The following OXSR1 variants were observed in gnomAD, a reference collection of about 807,000 sequenced individuals.
OXSR1 encodes oxidative stress responsive kinase 1.
A neutral mutation model predicts 79.8 loss-of-function variants in OXSR1; 24 were observed. The ratio of observed to expected loss-of-function variants is 0.30; its 90% CI spans 0.22 to 0.42. OXSR1 has a LOEUF of 0.42. OXSR1 is among the 10% of genes least tolerant of loss of function. The pLI is 1.00. For missense variants in OXSR1, 430 were observed against 618.4 expected (o/e 0.70, Z 3.23); for synonymous variants, 226 against 209.2 (o/e 1.08, Z -0.69).
At chr3:38,243,915 T>C (rs930185078) in intron 12 of OXSR1, among the ~76,000 whole-genome samples, 2 of 152,232 alleles carry the variant, frequency 1.3e-5, no homozygotes, top group African/African-American at 4.8e-5. Context: ...CAGTGGCATG[T>C]TAGCAGAAGT....
At chr3:38,243,964 CTACCATGACCTGCATTCCTGA>C (rs1703086341) in intron 12 of OXSR1, among the ~76,000 whole-genome samples, 1 of 152,194 alleles carries the variant, frequency 6.6e-6, no homozygotes. Context: ...CTTATTCCTG[CTACCATGACCTGCATTCCTGA>C]GTGAGGATGA....
intron 11 of OXSR1, among the ~76,000 whole-genome samples, chr3:38,240,779 A>G (rs938174924): frequency 6.6e-6 from 1 of 152,162 alleles, no homozygotes; most frequent in African/African-American, 2.4e-5. Flanking sequence ...GGACAATTTA[A>G]CCACCAAAAT....
In OXSR1 at chr3:38,254,557, G is replaced by C. The variant is rs901717777; in HGVS notation, c.*1666G>C. ...TGCTGAGCCAGGAGGGAGAAAAGAA[G>C]ATTGACCAGCTTGCTAGAAAAATAC... is the stretch of plus-strand genomic sequence containing the variant. On this transcript the variant is annotated 3_prime_UTR_variant, in exon 18 of 18. Transcript: ENST00000311806. 4 of 312,382 alleles carry C rather than the reference G, an allele frequency of 1.3e-5. No homozygotes were observed. Among genetic ancestry groups the C allele is most frequent in the Non-Finnish European group, 1.2e-5 (2 of 171,776 alleles). 19.4% of individuals were successfully genotyped at this position (312,382 alleles called of 1,614,324 possible). A position where few individuals can be genotyped will look rare whatever the true frequency, so the allele number is the denominator to read the frequency against.
chr3:38,206,652 GA>G (rs759451858), intron 4 of OXSR1, among the ~76,000 whole-genome samples: 1 of 152,070 alleles, frequency 6.6e-6, no homozygotes, highest in Non-Finnish European at 1.5e-5. Context: ...ACTTTGACTT[GA>G]AAAAATAGAT....
chr3:38,217,311 A>T (rs981633352), intron 5 of OXSR1, among the ~76,000 whole-genome samples: 2 of 152,200 alleles, frequency 1.3e-5, no homozygotes, highest in Non-Finnish European at 2.9e-5. Flanking sequence ...CTCATTTCTG[A>T]TGATGGGAAT....
chr3:38,221,711 T>G, intron 6 of OXSR1, 24 bp downstream of exon 6: 1 of 1,388,526 alleles, frequency 7.2e-7, no homozygotes, highest in Non-Finnish European at 1.0e-6. Flanking sequence ...TTTTCTGTTT[T>G]AAATGGGTTA....
chr3:38,244,510 A>G (rs1703095795), intron 12 of OXSR1, among the ~76,000 whole-genome samples: 1 of 152,126 alleles, frequency 6.6e-6, no homozygotes, highest in Non-Finnish European at 1.5e-5. Flanking sequence ...TACCTCATAT[A>G]AGTGGAATTA....
chr3:38,229,759 A>T, intron 9 of OXSR1, 24 bp downstream of exon 9: 2 of 1,573,770 alleles, frequency 1.3e-6, no homozygotes, highest in Non-Finnish European at 8.7e-7. Context: ...GCTTTTGATT[A>T]TGTGTGTTCA....
chr3:38,239,120 T>C (rs1359078959), intron 11 of OXSR1, among the ~76,000 whole-genome samples: 1 of 152,212 alleles, frequency 6.6e-6, no homozygotes, highest in Non-Finnish European at 1.5e-5. Flanking sequence ...TTAATTTTTT[T>C]CCCATCTTCT....
chr3:38,236,158 G>A (rs1273065984), intron 10 of OXSR1, among the ~76,000 whole-genome samples: 1 of 152,184 alleles, frequency 6.6e-6, no homozygotes, highest in Non-Finnish European at 1.5e-5. Context: ...ATCATGTTAT[G>A]TAAACATTGA....
intron 6 of OXSR1, among the ~76,000 whole-genome samples, chr3:38,222,423 A>G (rs1203393943): frequency 6.6e-6 from 1 of 152,186 alleles, no homozygotes; most frequent in Non-Finnish European, 1.5e-5. Flanking sequence ...AGGGGCAAGC[A>G]GGAACTGTAC....
intron 11 of OXSR1, among the ~76,000 whole-genome samples, chr3:38,238,205 T>C (rs535503237): frequency 1.3e-5 from 2 of 152,158 alleles, no homozygotes; most frequent in East Asian, 1.9e-4. Context: ...TTTCATGTTA[T>C]CTTTATAGCA....
At chr3:38,227,454 G>A (rs74713728) in intron 8 of OXSR1, among the ~76,000 whole-genome samples, 20,673 of 151,738 alleles carry the variant, frequency 0.14, 1,802 homozygotes, top group Middle Eastern at 0.27. Flanking sequence ...CTCAGAATGT[G>A]GCACAGAAAG....
At chr3:38,218,815 C>G (rs916495940) in intron 5 of OXSR1, among the ~76,000 whole-genome samples, 2 of 151,966 alleles carry the variant, frequency 1.3e-5, no homozygotes, top group East Asian at 3.9e-4. Context: ...TTTTTCATAC[C>G]TTATTACAGA....
At chr3:38,223,447 T>TC (rs1702628579) in intron 6 of OXSR1, among the ~76,000 whole-genome samples, 3 of 151,252 alleles carry the variant, frequency 2.0e-5, no homozygotes, top group Admixed American at 1.3e-4. Context: ...AGCTAACTTT[T>TC]TTTTTTTTTT....
chr3:38,243,758 A>G (rs1250887512), intron 12 of OXSR1, among the ~76,000 whole-genome samples: 1 of 152,262 alleles, frequency 6.6e-6, no homozygotes, highest in Non-Finnish European at 1.5e-5. Flanking sequence ...GTAAAAACAA[A>G]TACTGTTCCT....
chr3:38,182,130 A>T (rs1381196313), intron 1 of OXSR1, among the ~76,000 whole-genome samples: 1 of 152,136 alleles, frequency 6.6e-6, no homozygotes, highest in Non-Finnish European at 1.5e-5. Flanking sequence ...ATGGTAATTC[A>T]GTTTTCAGAT....
chr3:38,228,972 G>A (rs962063945), intron 8 of OXSR1, among the ~76,000 whole-genome samples: 1 of 152,210 alleles, frequency 6.6e-6, no homozygotes, highest in Non-Finnish European at 1.5e-5. Context: ...GAGAGGTTGT[G>A]ATTTGCTCAG....
At position 38,177,650 on chromosome 3, in the gene OXSR1, A is replaced by T. The variant is rs376534547; in HGVS notation, c.71-5353A>T. ...CCCAGGCTGGAGTGCAGTGGTGTGAACATGGCTCACTGCAGCATTGACCTC... is the reference window on the plus strand; with the variant it reads ...CCCAGGCTGGAGTGCAGTGGTGTGATCATGGCTCACTGCAGCATTGACCTC... On this transcript the variant is annotated intron_variant, in intron 1 of 17. Transcript: ENST00000311806. Among the ~76,000 whole-genome samples, 23 of 151,034 alleles carry T rather than the reference A, an allele frequency of 1.5e-4. No individual in the cohort carries two copies. The South Asian group carries it at 4.2e-3, about 28-fold the overall frequency.
Sources: allele counts gnomAD v4.1 joint callset (sites outside exome capture counted in the v4.1 genomes callset), GRCh38; gene constraint gnomAD v4.1.1; transcripts MANE v1.5; gene names NCBI Gene and HGNC (gene_info 2026-07-23, HGNC 2026-07-21).